The following TTC28 variants were observed in gnomAD, a reference collection of about 807,000 sequenced individuals.
TTC28 encodes the protein tetratricopeptide repeat domain 28, also known as tetratricopeptide repeat protein 28.
A neutral mutation model predicts 198.0 loss-of-function variants in TTC28; 61 were observed. The ratio of observed to expected loss-of-function variants is 0.31; its 90% CI spans 0.25 to 0.38. The LOEUF (loss-of-function observed/expected upper bound fraction) is 0.38. Among genes scored for constraint, TTC28 ranks in the 10% least tolerant of loss-of-function variants. The pLI, the probability that TTC28 is intolerant of heterozygous loss-of-function variation, is 1.00. For missense variants in TTC28, 2,678 were observed against 3,164.0 expected (o/e 0.85, Z 3.69); for synonymous variants, 1,171 against 1,297.8 (o/e 0.90, Z 2.10).
intron 2 of TTC28, among the ~76,000 whole-genome samples, chr22:28,356,905 CACAAG>C (rs1183318743): frequency 6.6e-5 from 10 of 152,196 alleles, no homozygotes; most frequent in Non-Finnish European, 7.3e-5. Flanking sequence ...AATTTCCCAG[CACAAG>C]ACCTCCTTCT....
intron 2 of TTC28, among the ~76,000 whole-genome samples, chr22:28,386,294 AAAAAAAAAAAAAG>A (rs2046590882): frequency 6.8e-6 from 1 of 146,466 alleles, no homozygotes; most frequent in African/African-American, 2.5e-5. Flanking sequence ...AAAAAAAAAA[AAAAAAAAAAAAAG>A]AAGGCTTCAC....
chr22:28,532,194 A>C (rs2049155515), intron 2 of TTC28, among the ~76,000 whole-genome samples: 1 of 152,210 alleles, frequency 6.6e-6, no homozygotes, highest in African/African-American at 2.4e-5. Flanking sequence ...AGAAGAATCA[A>C]ATAGACACAA....
intron 2 of TTC28, among the ~76,000 whole-genome samples, chr22:28,474,028 T>C (rs1248790019): frequency 6.6e-6 from 1 of 152,224 alleles, no homozygotes; most frequent in Non-Finnish European, 1.5e-5. Context: ...AGCAAACTAA[T>C]ACAATTCTAT....
chr22:28,279,453 C>G (rs1440024933), intron 5 of TTC28, among the ~76,000 whole-genome samples: 1 of 152,108 alleles, frequency 6.6e-6, no homozygotes, highest in Non-Finnish European at 1.5e-5. Flanking sequence ...TCACTGCAAC[C>G]TCCTCTTCCT....
intron 2 of TTC28, among the ~76,000 whole-genome samples, chr22:28,377,170 GTAATACA>G (rs2046424029): frequency 7.6e-6 from 1 of 132,162 alleles, no homozygotes; most frequent in East Asian, 2.3e-4. Context: ...ACAAAACCTT[GTAATACA>G]TAGGACATAA....
intron 2 of TTC28, among the ~76,000 whole-genome samples, chr22:28,418,426 A>C (rs1403628254): frequency 6.6e-6 from 1 of 152,246 alleles, no homozygotes; most frequent in Non-Finnish European, 1.5e-5. Flanking sequence ...AGAAGCAAAA[A>C]TACATGCTAC....
intron 14 of TTC28, chr22:28,008,011 A>G (rs930209294): frequency 6.6e-6 from 1 of 152,206 alleles, no homozygotes. Flanking sequence ...TGGGGCTGCC[A>G]GTCTCACAGG....
At chr22:28,343,631 AGT>A (rs938625928) in intron 2 of TTC28, among the ~76,000 whole-genome samples, 1 of 152,200 alleles carries the variant, frequency 6.6e-6, no homozygotes, top group Non-Finnish European at 1.5e-5. Context: ...AAGTCCTTTA[AGT>A]GAGATTTGTA....
intron 2 of TTC28, among the ~76,000 whole-genome samples, chr22:28,307,497 T>G (rs1022333378): frequency 3.9e-5 from 6 of 152,176 alleles, no homozygotes; most frequent in African/African-American, 1.4e-4. Context: ...ACTGCAGCCT[T>G]GAACTCCTGG....
chr22:28,433,924 A>G (rs963909340), intron 2 of TTC28, among the ~76,000 whole-genome samples: 3 of 152,222 alleles, frequency 2.0e-5, no homozygotes, highest in Admixed American at 6.5e-5. Flanking sequence ...CCTCAAATAT[A>G]TCTAATTCTT....
chr22:28,289,549 C>A (rs2044748620), intron 5 of TTC28, among the ~76,000 whole-genome samples: 1 of 152,104 alleles, frequency 6.6e-6, no homozygotes. Context: ...AAAAGACAAC[C>A]TATTAAGCTA....
Position 28,107,711 on chromosome 22 carries a change from C to T in TTC28, c.2134G>A (p.Ala712Thr). 9 of 1,551,706 alleles carry T rather than the reference C, an allele frequency of 5.8e-6. No homozygotes were observed. The highest frequency in any genetic ancestry group is 7.8e-6 in the Non-Finnish European group (9 of 1,146,976). ...AGGTTTCCTAGGGCTCGAAATTTAG[C>T]CTGGGAATTATTCAGAGACTGGGCT... Reference protein sequence around the residue: ...SLAQSLNNSQAKFRALGNLGD... With the variant: ...SLAQSLNNSQTKFRALGNLGD... The change falls in exon 7 of 23, where the codon GCT becomes ACT. Residue 712 changes from alanine to threonine, a missense_variant. Ala to Thr is a moderately conservative substitution (Grantham distance 58, BLOSUM62 0). Coordinates refer to ENST00000397906, the MANE Select transcript of TTC28 (RefSeq NM_001145418.2).
chr22:28,533,883 T>C (rs543201005), intron 2 of TTC28, among the ~76,000 whole-genome samples: 12 of 152,326 alleles, frequency 7.9e-5, no homozygotes, highest in African/African-American at 2.9e-4. Flanking sequence ...CTGGATCCCC[T>C]CCTTACCCCT....
chr22:28,562,649 C>T (rs1433014461), intron 2 of TTC28, among the ~76,000 whole-genome samples: 1 of 152,120 alleles, frequency 6.6e-6, no homozygotes, highest in African/African-American at 2.4e-5. Flanking sequence ...TGTAGTTTGT[C>T]CAGTCCCACA....
intron 2 of TTC28, among the ~76,000 whole-genome samples, chr22:28,420,039 GAA>G (rs1185721169): frequency 2.6e-5 from 4 of 152,142 alleles, no homozygotes; most frequent in African/African-American, 9.7e-5. Flanking sequence ...GTTTGATTTT[GAA>G]AAGTTACATT....
chr22:28,391,949 T>G (rs1171068619), intron 2 of TTC28, among the ~76,000 whole-genome samples: 3 of 152,240 alleles, frequency 2.0e-5, no homozygotes, highest in Admixed American at 6.5e-5. Flanking sequence ...TTTTCTGCTC[T>G]GTTTTTTCCC....
intron 2 of TTC28, among the ~76,000 whole-genome samples, chr22:28,424,631 TAGCTGTTTCC>T (rs2047318718): frequency 6.6e-6 from 1 of 152,204 alleles, no homozygotes; most frequent in African/African-American, 2.4e-5. Flanking sequence ...GCTAGCGTCA[TAGCTGTTTCC>T]AGTAAAGTTC....
chr22:28,326,636 T>A (rs1267482511), intron 2 of TTC28, among the ~76,000 whole-genome samples: 1 of 152,206 alleles, frequency 6.6e-6, no homozygotes, highest in Non-Finnish European at 1.5e-5. Flanking sequence ...AAAAGACAGA[T>A]ACCTTTTACT....
At chr22:28,160,817 C>T (rs1921084865) in intron 6 of TTC28, among the ~76,000 whole-genome samples, 1 of 152,096 alleles carries the variant, frequency 6.6e-6, no homozygotes, top group Admixed American at 6.6e-5. Flanking sequence ...AAACTAAGTG[C>T]CACTTTTGTA....
Sources: gnomAD v4.1 joint callset for allele counts (sites outside exome capture counted in the v4.1 genomes callset) on GRCh38, gnomAD v4.1.1 for gene constraint, MANE v1.5 for transcripts, NCBI Gene and HGNC (gene_info 2026-07-23, HGNC 2026-07-21) for gene names.